PRR14L: variants seen among roughly 807,000 people sequenced by gnomAD.
The protein encoded by PRR14L is protein PRR14L.
PRR14L carries 80 observed loss-of-function variants against 155.0 expected under a neutral mutation model. The ratio of observed to expected loss-of-function variants is 0.52; its 90% CI spans 0.43 to 0.62. The LOEUF (loss-of-function observed/expected upper bound fraction) is 0.62. PRR14L is among the 20% of genes least tolerant of loss of function. The probability of loss-of-function intolerance (pLI) is 0.00; values close to 1 mark genes in which losing one functional copy is unlikely to be tolerated. For synonymous variants in PRR14L, 883 were observed against 916.0 expected (o/e 0.96, Z 0.65); for missense variants, 2,469 against 2,548.0 (o/e 0.97, Z 0.67).
Position 31,716,191 on chromosome 22 carries a change from T to A in PRR14L, c.1648A>T (p.Asn550Tyr), listed in dbSNP as rs1394012428. ...TTTAACTGGGTGTTGCCTTCCAGAT[T>A]TCTCTGGATGCTGACTAAGGAGTTA... ...DCNSLVSIQR[N>Y]LEGNTQLNEA... is the part of the protein sequence containing the mutation. The change falls in exon 4 of 9, where the codon AAT (asparagine) becomes TAT (tyrosine). Residue 550 changes from asparagine (N) to tyrosine (Y), a missense_variant. This residue lies in a region of PRR14L where 2,363 missense variants were observed against 2,371.6 expected (regional missense o/e 1.00). Coordinates refer to ENST00000327423, the MANE Select transcript of PRR14L (RefSeq NM_173566.3). 6.4e-7 allele frequency: 1 copy of A among 1,551,446 alleles called. No homozygotes were observed. The highest frequency in any genetic ancestry group is 2.0e-5 in the Admixed American group (1 of 51,000).
chr22:31,701,872 A>G (rs2074564845), intron 6 of PRR14L, 110 bp from the exon 7 acceptor site: 2 of 756,028 alleles, frequency 2.6e-6, no homozygotes, highest in East Asian at 2.8e-5. Flanking sequence ...AAGTGGTGCA[A>G]TCATAGCTCA....
chr22:31,701,711 T>A lies in PRR14L; in HGVS notation c.6052A>T (p.Thr2018Ser). 1 of 1,614,086 alleles carries A rather than the reference T, an allele frequency of 6.2e-7. No individual in the cohort carries two copies. The highest frequency in any genetic ancestry group is 1.3e-5 in the African/African-American group (1 of 75,050). The change falls in exon 7 of 9, where the codon ACC becomes TCC. Residue 2018 changes from threonine to serine, a missense_variant. Physicochemically the swap from Thr to Ser is moderately conservative, Grantham distance 58 (BLOSUM62 1). Coordinates refer to ENST00000327423, the MANE Select transcript of PRR14L (RefSeq NM_173566.3). ...AGATTAGGATCTGGCCTAGGAATGG[T>A]TTTCCGGATGCGAATCTGTGAGACT... ...KKVSQIRIRK[T>S]IPRPDPNLTP...
chr22:31,698,761 A>C (rs1381888061), intron 7 of PRR14L, among the ~76,000 whole-genome samples: 2 of 151,776 alleles, frequency 1.3e-5, no homozygotes, highest in Non-Finnish European at 2.9e-5. Context: ...TCTACTAAAA[A>C]AATACAAAAA....
intron 1 of PRR14L, among the ~76,000 whole-genome samples, chr22:31,743,990 C>T (rs1440304211): frequency 4.7e-5 from 7 of 149,292 alleles, no homozygotes; most frequent in African/African-American, 7.4e-5. Flanking sequence ...ATAAATAAGA[C>T]GCCCTCAGCA....
At chr22:31,745,267 C>T (rs970894043) in intron 1 of PRR14L, among the ~76,000 whole-genome samples, 36 of 152,270 alleles carry the variant, frequency 2.4e-4, no homozygotes, top group African/African-American at 8.7e-4. Context: ...GTCCCAGCTA[C>T]TCGGGAGGCT....
chr22:31,721,617 C>T (rs555760622), intron 3 of PRR14L, among the ~76,000 whole-genome samples: 1 of 151,180 alleles, frequency 6.6e-6, no homozygotes, highest in South Asian at 2.1e-4. Flanking sequence ...TGAGCAGCAG[C>T]AAGCAGCAGA....
rs533307170 is a variant in PRR14L, at chr22:31,711,177, T to C, written c.5756+906A>G. On this transcript the variant is annotated intron_variant, in intron 4 of 8. Coordinates refer to ENST00000327423, the MANE Select transcript of PRR14L (RefSeq NM_173566.3). Reference sequence around the variant, plus strand: ...GTTTTCTGCAAGATGGGCGCAAGAGTAGAAAAGAAGATTCAGCTGGGTGTG... The same window carrying C: ...GTTTTCTGCAAGATGGGCGCAAGAGCAGAAAAGAAGATTCAGCTGGGTGTG... Among the ~76,000 whole-genome samples the C allele has an allele frequency of 3.3e-5, 5 of 151,962 alleles. No homozygotes were observed. The South Asian group carries it at 6.2e-4, about 19-fold the overall frequency.
intron 1 of PRR14L, 98 bp from the exon 2 acceptor site, chr22:31,739,009 C>T: frequency 1.7e-6 from 1 of 579,170 alleles, no homozygotes; most frequent in Non-Finnish European, 3.0e-6. Context: ...AAAATAAGTT[C>T]TACTTTAAAT....
chr22:31,699,489 G>A (rs1202624714), intron 7 of PRR14L, among the ~76,000 whole-genome samples: 3 of 152,186 alleles, frequency 2.0e-5, no homozygotes, highest in African/African-American at 7.2e-5. Context: ...ATGCTCATTG[G>A]AGCATTTGGG....
chr22:31,737,902 T>C (rs1157313795), intron 2 of PRR14L, among the ~76,000 whole-genome samples: 1 of 151,588 alleles, frequency 6.6e-6, no homozygotes, highest in African/African-American at 2.4e-5. Context: ...TAATCACAGC[T>C]AATTTGGGAG....
At chr22:31,728,746 T>C (rs1265253535) in intron 2 of PRR14L, among the ~76,000 whole-genome samples, 1 of 151,714 alleles carries the variant, frequency 6.6e-6, no homozygotes, top group African/African-American at 2.4e-5. Context: ...TTCTGAACTT[T>C]TTCTGTGTCT....
intron 3 of PRR14L, among the ~76,000 whole-genome samples, chr22:31,721,459 T>C (rs1038876130): frequency 1.3e-5 from 2 of 151,808 alleles, no homozygotes; most frequent in Non-Finnish European, 2.9e-5. Flanking sequence ...TCCCAGCTAC[T>C]CGGGAGACTG....
At position 31,714,879 on chromosome 22, in the gene PRR14L, T is replaced by G. The variant is rs750557735; in HGVS notation, c.2960A>C (p.Gln987Pro). 7.7e-6 allele frequency: 12 copies of G among 1,551,998 alleles called. No individual in the cohort carries two copies. The highest frequency in any genetic ancestry group is 1.0e-5 in the Non-Finnish European group (12 of 1,147,044). ...ACTACTTAGCATCTCCTTGGCTGAC[T>G]GACCTTCACTTTTGCATTCATCTGG... ...NRPDECKSEG[Q>P]SAKEMLSSDQ... Residue 987 changes from glutamine to proline, a missense_variant, in exon 4 of 9, where the codon CAG becomes CCG. Around this residue, in one of 2 missense-constraint regions of PRR14L, gnomAD observed 2,363 missense variants for 2,371.6 expected, o/e 1.00. Transcript: ENST00000327423.
chr22:31,728,609 GAA>G (rs747588484), intron 2 of PRR14L, among the ~76,000 whole-genome samples: 1 of 94,392 alleles, frequency 1.1e-5, no homozygotes, highest in Admixed American at 1.2e-4. Flanking sequence ...ACTTCATCTC[GAA>G]AAAAAAAAAA....
At position 31,738,788 on chromosome 22, in the gene PRR14L, A is replaced by G. The variant is rs1304753776; in HGVS notation, c.73T>C (p.Tyr25His). Reference protein sequence around the residue: ...SSMSAVVQELYSELPVSVSRE... With the variant: ...SSMSAVVQELHSELPVSVSRE... The stretch of plus-strand genomic sequence containing the variant: ...GAGACACTTACTGGGAGTTCAGAGT[A>G]TAATTCCTGTACCACGGCAGACATG... Residue 25 changes from tyrosine to histidine, a missense_variant, in exon 2 of 9, where the codon TAC (tyrosine) becomes CAC (histidine). Physicochemically the swap from Tyr to His is moderately conservative, Grantham distance 83 (BLOSUM62 2). Around this residue, in one of 2 missense-constraint regions of PRR14L, gnomAD observed 2,363 missense variants for 2,371.6 expected, o/e 1.00. Transcript: ENST00000327423. The G allele has an allele frequency of 6.4e-6, 10 of 1,551,644 alleles. No homozygotes were observed. Among genetic ancestry groups the G allele is most frequent in the South Asian group, 4.8e-5 (4 of 84,056 alleles).
At chr22:31,729,982 C>T (rs1383898415) in intron 2 of PRR14L, among the ~76,000 whole-genome samples, 1 of 151,014 alleles carries the variant, frequency 6.6e-6, no homozygotes, top group Non-Finnish European at 1.5e-5. Context: ...AACCCCATCT[C>T]TACTAAAATA....
At chr22:31,731,565 CAAAAAAAAAA>C (rs55727852) in intron 2 of PRR14L, among the ~76,000 whole-genome samples, 20 of 49,248 alleles carry the variant, frequency 4.1e-4, no homozygotes, top group African/African-American at 9.3e-4. Context: ...GAGACTGTCT[CAAAAAAAAAA>C]AAAAAAAAAA....
chr22:31,698,854 G>A (rs1452966043), intron 7 of PRR14L, among the ~76,000 whole-genome samples: 11 of 150,904 alleles, frequency 7.3e-5, no homozygotes, highest in Non-Finnish European at 1.2e-4. Context: ...CCTGGGAGGC[G>A]GAGCTTGCAG....
At chr22:31,722,220 A>G (rs977934223) in intron 3 of PRR14L, among the ~76,000 whole-genome samples, 1 of 151,984 alleles carries the variant, frequency 6.6e-6, no homozygotes, top group African/African-American at 2.4e-5. Context: ...ACCTGAGGTC[A>G]GGAGTTTGAG....
Sources: allele counts gnomAD v4.1 joint callset (sites outside exome capture counted in the v4.1 genomes callset), GRCh38; gene constraint gnomAD v4.1.1; regional missense constraint gnomAD v4.1.1; transcripts MANE v1.5; gene names NCBI Gene and HGNC (gene_info 2026-07-23, HGNC 2026-07-21).